Variants in ASTN2 observed in about 807,000 individuals in gnomAD.
The protein encoded by ASTN2 is astrotactin 2.
A neutral mutation model predicts 139.8 loss-of-function variants in ASTN2; 54 were observed. The ratio of observed to expected loss-of-function variants is 0.39; its 90% confidence interval spans 0.31 to 0.48. The LOEUF (loss-of-function observed/expected upper bound fraction) is 0.48, where lower values mean the gene tolerates loss of function less well. Ranked by LOEUF, ASTN2 falls within the 20% of genes least tolerant of loss-of-function variation. ASTN2 has a pLI of 0.95. For missense variants in ASTN2, 1,565 were observed against 1,725.1 expected (o/e 0.91, Z 1.64); for synonymous variants, 756 against 719.5 (o/e 1.05, Z -0.81).
chr9:116,927,600 A>G (rs985169377), intron 10 of ASTN2, among the ~76,000 whole-genome samples: 1 of 152,242 alleles, frequency 6.6e-6, no homozygotes, highest in Non-Finnish European at 1.5e-5. Context: ...TATAGTTACA[A>G]TAGAAGTCTG....
intron 4 of ASTN2, among the ~76,000 whole-genome samples, chr9:117,113,324 C>A (rs1829294695): frequency 6.6e-6 from 1 of 152,158 alleles, no homozygotes; most frequent in Non-Finnish European, 1.5e-5. Context: ...TAAGCTGCAA[C>A]CAACCCAAAT....
chr9:117,149,625 CA>C lies in ASTN2; in HGVS notation c.1016-8148del, dbSNP rs1023059247. Among the ~76,000 whole-genome samples the C allele has an allele frequency of 2.0e-5, 3 of 151,038 alleles. 1 individual carries two copies. In the South Asian group the frequency reaches 6.3e-4, roughly 32 times the overall value. ...AAGCTGGGAAGACCCAACATAAATG[CA>C]AAAAAAACCATCCAATTTGGAAATT... On this transcript the variant is annotated intron_variant, in intron 3 of 22. Transcript: ENST00000313400.
chr9:117,048,963 C>CTTTTTTTTTTTTTTTTTTTTTTT lies in ASTN2; in HGVS notation c.1277-8999_1277-8998insAAAAAAAAAAAAAAAAAAAAAAA, dbSNP rs372277811. Among the ~76,000 whole-genome samples, 32 of 89,032 alleles carry CTTTTTTTTTTTTTTTTTTTTTTT rather than the reference C, an allele frequency of 3.6e-4. 6 individuals are homozygous for CTTTTTTTTTTTTTTTTTTTTTTT. The highest frequency in any genetic ancestry group is 1.1e-3 in the East Asian group (3 of 2,788). 58.4% of individuals were successfully genotyped at this position (89,032 alleles called of 152,430 possible). A position where few individuals can be genotyped will look rare whatever the true frequency, so the allele number is the denominator to read the frequency against. Reference sequence around the variant, plus strand: ...GTGCGCTCTGATTCTTCATCCATTGCTTTTTTTTTTTTTTTTTGAGACGGA... The same window carrying CTTTTTTTTTTTTTTTTTTTTTTT: ...GTGCGCTCTGATTCTTCATCCATTGCTTTTTTTTTTTTTTTTTTTTTTTTTTTTTTTTTTTTTTTTGAGACGGA... On this transcript the variant is annotated intron_variant, in intron 5 of 22. Transcript: ENST00000313400.
At chr9:116,714,582 A>C (rs1211484164) in intron 16 of ASTN2, among the ~76,000 whole-genome samples, 1 of 152,222 alleles carries the variant, frequency 6.6e-6, no homozygotes, top group Non-Finnish European at 1.5e-5. Flanking sequence ...CCCATGTTAA[A>C]GATAAGAGAA....
rs73523327 is a variant in ASTN2, at chr9:116,802,703, T to C, written c.2396+2929A>G. Among the ~76,000 whole-genome samples, 793 of 152,324 alleles carry C rather than the reference T, an allele frequency of 5.2e-3. 2 individuals carry two copies. Among genetic ancestry groups the C allele is most frequent in the African/African-American group, 0.017 (714 of 41,576 alleles). On this transcript the variant is annotated intron_variant, in intron 13 of 22. Transcript: ENST00000313400. Reference sequence around the variant, plus strand: ...CTCCATAAAACATACAATGTACCTATGGAAATGGCTGGCTTCTGTTAAAAG... The same window carrying C: ...CTCCATAAAACATACAATGTACCTACGGAAATGGCTGGCTTCTGTTAAAAG...
At chr9:116,839,331 AT>A (rs893747940) in intron 11 of ASTN2, among the ~76,000 whole-genome samples, 6 of 151,670 alleles carry the variant, frequency 4.0e-5, no homozygotes, top group African/African-American at 1.5e-4. Flanking sequence ...TTTTATTTTT[AT>A]TTTTTTTAAA....
intron 10 of ASTN2, among the ~76,000 whole-genome samples, chr9:116,885,492 C>A (rs530499966): frequency 1.5e-4 from 23 of 152,228 alleles, no homozygotes; most frequent in Admixed American, 7.2e-4. Context: ...ATGGCAAAAC[C>A]TCGTCTCTAC....
intron 2 of ASTN2, among the ~76,000 whole-genome samples, chr9:117,234,377 C>T (rs1339017898): frequency 6.6e-6 from 1 of 152,158 alleles, no homozygotes; most frequent in Admixed American, 6.5e-5. Flanking sequence ...GCCTCTCCAG[C>T]GCCAGCTAAT....
intron 3 of ASTN2, among the ~76,000 whole-genome samples, chr9:117,194,568 A>ATTC (rs1421696022): frequency 1.3e-5 from 2 of 152,206 alleles, no homozygotes; most frequent in African/African-American, 4.8e-5. Flanking sequence ...CACTGTATAA[A>ATTC]ACATAGTTTT....
chr9:117,180,005 C>T (rs567169098), intron 3 of ASTN2, among the ~76,000 whole-genome samples: 73 of 152,294 alleles, frequency 4.8e-4, no homozygotes, highest in Non-Finnish European at 8.2e-4. Flanking sequence ...ATTCAAATGG[C>T]AGATCTGCAG....
At chr9:116,861,152 TTCTC>T (rs1832867158) in intron 11 of ASTN2, among the ~76,000 whole-genome samples, 1 of 149,772 alleles carries the variant, frequency 6.7e-6, no homozygotes, top group Non-Finnish European at 1.5e-5. Flanking sequence ...TTCTTTCTCT[TTCTC>T]TCTCTTTTAA....
In ASTN2 at chr9:117,286,592, A is replaced by C. The variant is rs142567069; in HGVS notation, c.630+4734T>G. On this transcript the variant is annotated intron_variant, in intron 2 of 22. Transcript: ENST00000313400. ...TCACAAACTTAGCTGGCAAATAGTT[A>C]GGGGCCCATAATAGCTTGTTCTGAT... is the stretch of plus-strand genomic sequence containing the variant. Among the ~76,000 whole-genome samples the C allele has an allele frequency of 9.3e-4, 142 of 152,336 alleles. 1 individual carries two copies. The highest frequency in any genetic ancestry group is 3.2e-3 in the African/African-American group (135 of 41,586).
intron 13 of ASTN2, among the ~76,000 whole-genome samples, chr9:116,786,818 A>G (rs1830391156): frequency 6.6e-6 from 1 of 152,064 alleles, no homozygotes; most frequent in African/African-American, 2.4e-5. Flanking sequence ...CCTGGGAGAG[A>G]CCAGGTGAAG....
At chr9:117,228,093 G>T (rs947947803) in intron 2 of ASTN2, among the ~76,000 whole-genome samples, 1 of 152,036 alleles carries the variant, frequency 6.6e-6, no homozygotes, top group Non-Finnish European at 1.5e-5. Context: ...AGTTTCCCCA[G>T]GTTTAAAATG....
chr9:116,478,093 C>G (rs1342945834), intron 20 of ASTN2, among the ~76,000 whole-genome samples: 1 of 131,824 alleles, frequency 7.6e-6, no homozygotes, highest in Non-Finnish European at 1.6e-5. Context: ...AGCAGGGAAA[C>G]AGGAAGAAAG....
At chr9:117,196,496 T>G (rs1320670782) in intron 3 of ASTN2, among the ~76,000 whole-genome samples, 1 of 152,166 alleles carries the variant, frequency 6.6e-6, no homozygotes, top group Non-Finnish European at 1.5e-5. Flanking sequence ...TTTCTTGGAC[T>G]GGGATCCTGA....
intron 6 of ASTN2, among the ~76,000 whole-genome samples, chr9:117,009,986 C>T (rs913504947): frequency 7.2e-5 from 11 of 152,168 alleles, no homozygotes; most frequent in Non-Finnish European, 1.0e-4. Flanking sequence ...TTCTCTAATT[C>T]ACACACATCA....
chr9:116,891,713 T>G (rs561444061), intron 10 of ASTN2, among the ~76,000 whole-genome samples: 2 of 152,244 alleles, frequency 1.3e-5, no homozygotes, highest in Non-Finnish European at 2.9e-5. Context: ...TGATGGGCAC[T>G]TGGTCATCCA....
At chr9:116,935,047 C>T (rs189417087) in intron 10 of ASTN2, among the ~76,000 whole-genome samples, 3 of 152,184 alleles carry the variant, frequency 2.0e-5, no homozygotes, top group African/African-American at 7.2e-5. Flanking sequence ...TACTATTTGC[C>T]CTGCTAGGTT....
Sources: gnomAD v4.1 joint callset for allele counts (sites outside exome capture counted in the v4.1 genomes callset) on GRCh38, gnomAD v4.1.1 for gene constraint, MANE v1.5 for transcripts, NCBI Gene and HGNC (gene_info 2026-07-23, HGNC 2026-07-21) for gene names.